The following SUCLG2 variants were observed in gnomAD, a reference collection of about 807,000 sequenced individuals.
The protein encoded by SUCLG2 is succinate--CoA ligase [GDP-forming] subunit beta, mitochondrial.
Under a neutral mutation model 47.9 loss-of-function variants are expected in SUCLG2, and 42 were observed. The ratio of observed to expected loss-of-function variants is 0.88; its 90% CI spans 0.69 to 1.14. The LOEUF is 1.14. Ranked by LOEUF, SUCLG2 falls within the 50% of genes most tolerant of loss-of-function variation. The pLI is 0.00. For synonymous variants in SUCLG2, 195 were observed against 197.3 expected (o/e 0.99, Z 0.10); for missense variants, 571 against 525.9 (o/e 1.09, Z -0.84).
intron 9 of SUCLG2, among the ~76,000 whole-genome samples, chr3:67,413,899 T>C (rs1575679532): frequency 6.6e-6 from 1 of 151,894 alleles, no homozygotes; most frequent in Non-Finnish European, 1.5e-5. Flanking sequence ...TTATCACACA[T>C]GTTTCTCAGT....
At chr3:67,518,567 A>G (rs1706013956) in intron 5 of SUCLG2, among the ~76,000 whole-genome samples, 1 of 152,220 alleles carries the variant, frequency 6.6e-6, no homozygotes, top group Non-Finnish European at 1.5e-5. Context: ...TGGCATGCTG[A>G]CAAGAAAATC....
chr3:67,521,565 C>T (rs1228671797), intron 4 of SUCLG2, among the ~76,000 whole-genome samples: 2 of 150,850 alleles, frequency 1.3e-5, no homozygotes, highest in Non-Finnish European at 2.9e-5. Context: ...CATGTGGAAG[C>T]ACATTATATA....
At chr3:67,649,852 T>C (rs1403047800) in intron 1 of SUCLG2, among the ~76,000 whole-genome samples, 1 of 152,236 alleles carries the variant, frequency 6.6e-6, no homozygotes, top group Admixed American at 6.5e-5. Flanking sequence ...AGGTTACTTA[T>C]GTAATTTCTT....
At chr3:67,505,235 C>A (rs988345614) in intron 7 of SUCLG2, among the ~76,000 whole-genome samples, 1 of 152,144 alleles carries the variant, frequency 6.6e-6, no homozygotes, top group Non-Finnish European at 1.5e-5. Flanking sequence ...AGAAAGAAGC[C>A]AATTTGGAGG....
chr3:67,549,553 G>T (rs894197793), intron 2 of SUCLG2, among the ~76,000 whole-genome samples: 18 of 152,174 alleles, frequency 1.2e-4, no homozygotes, highest in African/African-American at 4.3e-4. Flanking sequence ...TATCTATAGG[G>T]AATAGGGGTT....
At chr3:67,617,073 G>A (rs750257089) in intron 1 of SUCLG2, among the ~76,000 whole-genome samples, 6 of 152,090 alleles carry the variant, frequency 3.9e-5, no homozygotes, top group Admixed American at 1.3e-4. Flanking sequence ...CCTTAGTCAC[G>A]TTACCTAGGA....
intron 1 of SUCLG2, among the ~76,000 whole-genome samples, chr3:67,629,245 C>A (rs956533443): frequency 1.3e-5 from 2 of 152,172 alleles, no homozygotes; most frequent in Non-Finnish European, 2.9e-5. Flanking sequence ...CCATTCAATT[C>A]TCACACTAAC....
chr3:67,504,765 C>T (rs1438632393), intron 7 of SUCLG2, among the ~76,000 whole-genome samples: 1 of 152,062 alleles, frequency 6.6e-6, no homozygotes, highest in African/African-American at 2.4e-5. Context: ...AGTCTGTGTA[C>T]AGATAGAGCT....
At chr3:67,422,353 T>C (rs1703180136) in intron 9 of SUCLG2, among the ~76,000 whole-genome samples, 1 of 151,342 alleles carries the variant, frequency 6.6e-6, no homozygotes, top group Non-Finnish European at 1.5e-5. Flanking sequence ...TGTGCGCCTG[T>C]AGCCCCAGCT....
intron 9 of SUCLG2, among the ~76,000 whole-genome samples, chr3:67,424,778 G>C (rs1049638860): frequency 6.6e-6 from 1 of 152,076 alleles, no homozygotes; most frequent in Non-Finnish European, 1.5e-5. Context: ...CAAATGAACT[G>C]CTGCAGGACA....
At chr3:67,360,554 T>TA in exon 11 of SUCLG2, 3 of 1,406,642 alleles carry the variant, frequency 2.1e-6, no homozygotes, top group South Asian at 1.5e-5. Context: ...AACCCAAATG[T>TA]AAAAAAATAA....
chr3:67,461,617 C>G (rs992346990), intron 9 of SUCLG2, among the ~76,000 whole-genome samples: 1 of 151,818 alleles, frequency 6.6e-6, no homozygotes, highest in Non-Finnish European at 1.5e-5. Context: ...AAACTAGTGT[C>G]ATTTTAGGCT....
At chr3:67,584,995 C>T (rs1374826836) in intron 2 of SUCLG2, among the ~76,000 whole-genome samples, 1 of 152,124 alleles carries the variant, frequency 6.6e-6, no homozygotes, top group East Asian at 1.9e-4. Flanking sequence ...ACAGCCAAAC[C>T]ATATCCTATG....
intron 1 of SUCLG2, among the ~76,000 whole-genome samples, chr3:67,647,001 C>G (rs1701203688): frequency 6.6e-6 from 1 of 152,160 alleles, no homozygotes; most frequent in Non-Finnish European, 1.5e-5. Flanking sequence ...CGATCTTGTC[C>G]TTGCTCTTGT....
intron 9 of SUCLG2, among the ~76,000 whole-genome samples, chr3:67,413,625 G>A (rs1055556097): frequency 9.9e-5 from 15 of 152,146 alleles, no homozygotes; most frequent in Admixed American, 2.0e-4. Context: ...TACCCAAAGG[G>A]AATACGTATA....
chr3:67,393,501 G>A (rs946403985), intron 10 of SUCLG2, among the ~76,000 whole-genome samples: 13 of 152,326 alleles, frequency 8.5e-5, no homozygotes, highest in Non-Finnish European at 1.8e-4. Context: ...GCTTGCTTAC[G>A]TAAACAAAGC....
intron 9 of SUCLG2, among the ~76,000 whole-genome samples, chr3:67,443,205 C>T (rs1327312146): frequency 1.3e-5 from 2 of 152,056 alleles, no homozygotes; most frequent in African/African-American, 4.8e-5. Flanking sequence ...GGGACTTGAG[C>T]ATGTGCTGAT....
At chr3:67,592,864 T>C (rs1185817881) in intron 2 of SUCLG2, among the ~76,000 whole-genome samples, 1 of 152,118 alleles carries the variant, frequency 6.6e-6, no homozygotes, top group Admixed American at 6.6e-5. Flanking sequence ...ACCCACAATG[T>C]AATTATAAAC....
chr3:67,602,153 C>T (rs998645172), intron 2 of SUCLG2, among the ~76,000 whole-genome samples: 4 of 152,020 alleles, frequency 2.6e-5, no homozygotes, highest in Non-Finnish European at 5.9e-5. Context: ...AAGTCTTTCC[C>T]TTTGGTTTAG....
Sources: gnomAD v4.1 joint callset for allele counts (sites outside exome capture counted in the v4.1 genomes callset) on GRCh38, gnomAD v4.1.1 for gene constraint, MANE v1.5 for transcripts, NCBI Gene and HGNC (gene_info 2026-07-23, HGNC 2026-07-21) for gene names.